Variants in PPP2R2C observed in about 807,000 individuals in gnomAD.
PPP2R2C encodes the protein protein phosphatase 2, regulatory subunit B, gamma.
A neutral mutation model predicts 45.3 loss-of-function variants in PPP2R2C; 10 were observed. The observed-to-expected ratio is 0.22, with a 90% CI of 0.14 to 0.37. The LOEUF (loss-of-function observed/expected upper bound fraction) is 0.37, where lower values mean the gene tolerates loss of function less well. PPP2R2C is among the 10% of genes least tolerant of loss of function. The pLI, the probability that PPP2R2C is intolerant of heterozygous loss-of-function variation, is 1.00. For missense variants in PPP2R2C, 308 were observed against 619.7 expected, an observed-to-expected ratio of 0.50 and a Z score of 5.34; for synonymous variants, 257 against 245.4, an observed-to-expected ratio of 1.05 and a Z score of -0.44.
chr4:6,535,632 A>G (rs1724582689), intron 1 of PPP2R2C, among the ~76,000 whole-genome samples: 1 of 152,150 alleles, frequency 6.6e-6, no homozygotes, highest in Non-Finnish European at 1.5e-5. Context: ...TTTGGCCCCA[A>G]ATGGGGTTAC....
rs578175954 is a variant in PPP2R2C at position 6,493,731 on chromosome 4, G to A, written c.49+41540C>T. On this transcript the variant is annotated intron_variant, in intron 2 of 9. Coordinates refer to the PPP2R2C transcript ENST00000506140. Reference sequence around the variant, plus strand: ...GACACGGAGGGGTGGACCTGGCTTCGCCCTCATTGCTCCCAACAGTTCCCT... The same window carrying A: ...GACACGGAGGGGTGGACCTGGCTTCACCCTCATTGCTCCCAACAGTTCCCT... Among the ~76,000 whole-genome samples the A allele has an allele frequency of 5.3e-5, 8 of 152,150 alleles. No individual in the cohort carries two copies. The South Asian group carries it at 1.2e-3, about 24-fold the overall frequency.
At chr4:6,434,360 T>TTTC (rs1553898701) in intron 1 of PPP2R2C, among the ~76,000 whole-genome samples, 155 of 842 alleles carry the variant, frequency 0.18, 1 homozygote, top group East Asian at 0.43. Flanking sequence ...TTTTCTTTTC[T>TTTC]TTTTTTTTTT....
chr4:6,439,597 C>T (rs893007081), intron 1 of PPP2R2C, among the ~76,000 whole-genome samples: 1 of 152,186 alleles, frequency 6.6e-6, no homozygotes, highest in African/African-American at 2.4e-5. Context: ...GCCCCTCCCG[C>T]TTCGTCTCCT....
intron 2 of PPP2R2C, among the ~76,000 whole-genome samples, chr4:6,511,528 G>A (rs1442641913): frequency 9.9e-5 from 2 of 20,230 alleles, no homozygotes; most frequent in Non-Finnish European, 1.3e-4. Flanking sequence ...GGTGGTGATG[G>A]TGGTGGTGGT....
intron 7 of PPP2R2C, 152 bp downstream of exon 7, chr4:6,333,410 G>A (rs1732573419): frequency 1.1e-6 from 1 of 869,852 alleles, no homozygotes; most frequent in Non-Finnish European, 1.7e-6. Context: ...AGCTACGTGT[G>A]GGGATGAGTT....
At chr4:6,541,362 T>C (rs1724797742) in intron 1 of PPP2R2C, among the ~76,000 whole-genome samples, 1 of 152,164 alleles carries the variant, frequency 6.6e-6, no homozygotes, top group Admixed American at 6.6e-5. Flanking sequence ...TGGGAGTTAC[T>C]AGAATACAGG....
chr4:6,518,922 T>TTAAAAAAAAAAAAAAAAAAAAA (rs1354788203), intron 2 of PPP2R2C, among the ~76,000 whole-genome samples: 3 of 92,902 alleles, frequency 3.2e-5, no homozygotes, highest in African/African-American at 1.9e-4. Flanking sequence ...GACTCTGTCT[T>TTAAAAAAAAAAAAAAAAAAAAA]AAAAAAAAAA....
chr4:6,387,457 G>C (rs957380332), intron 1 of PPP2R2C, among the ~76,000 whole-genome samples: 1 of 152,172 alleles, frequency 6.6e-6, no homozygotes, highest in Non-Finnish European at 1.5e-5. Flanking sequence ...TTAATGTGCC[G>C]AAAGAAAATG....
intron 1 of PPP2R2C, among the ~76,000 whole-genome samples, chr4:6,542,562 G>C (rs139663465): frequency 9.2e-5 from 14 of 152,108 alleles, no homozygotes; most frequent in Admixed American, 2.6e-4. Context: ...AGGCATGGTG[G>C]CATGGTGGCA....
chr4:6,384,250 C>T (rs537407911), intron 1 of PPP2R2C: 1 of 985,406 alleles, frequency 1.0e-6, no homozygotes, highest in South Asian at 4.7e-5. Flanking sequence ...ATATTAAAAC[C>T]CCCTGAGGGT....
chr4:6,554,445 T>A (rs1180727764), intron 1 of PPP2R2C, among the ~76,000 whole-genome samples: 1 of 152,196 alleles, frequency 6.6e-6, no homozygotes, highest in Non-Finnish European at 1.5e-5. Context: ...GCCAGAACCA[T>A]GAGACAATCA....
chr4:6,342,566 C>T (rs576860548), intron 6 of PPP2R2C, among the ~76,000 whole-genome samples: 35 of 152,336 alleles, frequency 2.3e-4, no homozygotes, highest in African/African-American at 7.0e-4. Flanking sequence ...TGGCCATCAT[C>T]GGCCCCGATT....
At position 6,414,426 on chromosome 4, in the gene PPP2R2C, C is replaced by T. The variant is rs117732329; in HGVS notation, c.71-33332G>A. 5.6e-3 allele frequency among the ~76,000 whole-genome samples: 845 copies of T among 152,018 alleles called. 19 individuals carry two copies. In the East Asian group the frequency reaches 0.071, roughly 13 times the overall value. Reference sequence around the variant, plus strand: ...GTGGCTCCAGGGTTCATTGCTGGGGCGAGGGAAGTCACGCAGAAAGCAGGA... The same window carrying T: ...GTGGCTCCAGGGTTCATTGCTGGGGTGAGGGAAGTCACGCAGAAAGCAGGA... On this transcript the variant is annotated intron_variant, in intron 1 of 8. Transcript: ENST00000382599.
intron 1 of PPP2R2C, among the ~76,000 whole-genome samples, chr4:6,393,529 G>A (rs1011352887): frequency 2.6e-5 from 4 of 152,246 alleles, no homozygotes; most frequent in South Asian, 4.1e-4. Flanking sequence ...AGAAGAGAGT[G>A]AGAAGGGACT....
At chr4:6,540,031 C>T (rs978151082) in intron 1 of PPP2R2C, among the ~76,000 whole-genome samples, 1 of 152,240 alleles carries the variant, frequency 6.6e-6, no homozygotes, top group African/African-American at 2.4e-5. Flanking sequence ...AAGCTTCTCA[C>T]TTTAAAGCAT....
chr4:6,470,831 C>A (rs963095302), intron 1 of PPP2R2C, among the ~76,000 whole-genome samples: 1 of 152,134 alleles, frequency 6.6e-6, no homozygotes, highest in African/African-American at 2.4e-5. Context: ...CTCGCACACA[C>A]CCGGCGGCGA....
intron 2 of PPP2R2C, chr4:6,535,167 G>T (rs1560608351): frequency 7.5e-7 from 1 of 1,325,368 alleles, no homozygotes; most frequent in Non-Finnish European, 1.0e-6. Context: ...GGTGGGGTCG[G>T]CTTCCCGCTG....
intron 1 of PPP2R2C, among the ~76,000 whole-genome samples, chr4:6,385,579 TA>T (rs1045037501): frequency 6.6e-6 from 1 of 152,106 alleles, no homozygotes; most frequent in Non-Finnish European, 1.5e-5. Context: ...TTTATTTATT[TA>T]TTTTTTTGAG....
Position 6,337,932 on chromosome 4 carries a change from A to T in PPP2R2C, c.791-4201T>A, listed in dbSNP as rs1733114152. ...TAAAAGTTCCTCTTTTTCTTTTTAGACGTTTCTATGAAATTTTTGATACAA... is the reference window on the plus strand; with the variant it reads ...TAAAAGTTCCTCTTTTTCTTTTTAGTCGTTTCTATGAAATTTTTGATACAA... On this transcript the variant is annotated intron_variant, in intron 6 of 8. Coordinates refer to ENST00000382599, the MANE Select transcript of PPP2R2C (RefSeq NM_020416.4). Among the ~76,000 whole-genome samples the T allele has an allele frequency of 2.0e-5, 3 of 152,052 alleles. No homozygotes were observed. In the South Asian group the frequency reaches 6.2e-4, roughly 32 times the overall value.
Sources: gnomAD v4.1 joint callset for allele counts (sites outside exome capture counted in the v4.1 genomes callset) on GRCh38, gnomAD v4.1.1 for gene constraint, MANE v1.5 for transcripts, NCBI Gene and HGNC (gene_info 2026-07-23, HGNC 2026-07-21) for gene names.